The following GPC5 variants were observed in gnomAD, a reference collection of about 807,000 sequenced individuals.
GPC5 encodes the protein glypican 5.
Under a neutral mutation model 53.9 loss-of-function variants are expected in GPC5, and 47 were observed. The ratio of observed to expected loss-of-function variants is 0.87; its 90% CI spans 0.69 to 1.11. The LOEUF is 1.11. Ranked by LOEUF, GPC5 falls within the 50% of genes most tolerant of loss-of-function variation. GPC5 has a pLI of 0.00. For missense variants in GPC5, 748 were observed against 713.1 expected, an observed-to-expected ratio of 1.05 and a Z score of -0.56; for synonymous variants, 286 against 263.3, an observed-to-expected ratio of 1.09 and a Z score of -0.84.
At chr13:91,575,317 GA>G (rs764140105) in intron 2 of GPC5, among the ~76,000 whole-genome samples, 1 of 152,074 alleles carries the variant, frequency 6.6e-6, no homozygotes, top group Non-Finnish European at 1.5e-5. Context: ...TGCATTTATT[GA>G]AATAAATGAA....
rs1423587563 is a variant in GPC5 at position 91,693,773 on chromosome 13, T to A, written c.912T>A (p.Asp304Glu). 1.2e-6 allele frequency: 2 copies of A among 1,614,180 alleles called. No homozygotes were observed. The highest frequency in any genetic ancestry group is 8.5e-7 in the Non-Finnish European group (1 of 1,180,018). The change falls in exon 3 of 8, where the codon GAT (aspartate) becomes GAA (glutamate). Residue 304 changes from aspartate (D) to glutamate (E), a missense_variant. Asp to Glu is a conservative substitution (Grantham distance 45). Coordinates refer to ENST00000377067, the MANE Select transcript of GPC5 (RefSeq NM_004466.6). ...TCCGGTCGTTGGAAGAACTCTCGGA[T>A]GCAATGCATGGAACATACGACATTG... Reference protein sequence around the residue: ...AYIRSLEELSDAMHGTYDIGH... With the variant: ...AYIRSLEELSEAMHGTYDIGH...
At chr13:92,024,740 G>C (rs1322518276) in intron 6 of GPC5, among the ~76,000 whole-genome samples, 1 of 152,024 alleles carries the variant, frequency 6.6e-6, no homozygotes, top group Non-Finnish European at 1.5e-5. Context: ...ATACTTATTG[G>C]TGCTTTTTAT....
At chr13:92,852,986 A>AC (rs1398559911) in intron 7 of GPC5, among the ~76,000 whole-genome samples, 3 of 152,162 alleles carry the variant, frequency 2.0e-5, no homozygotes, top group African/African-American at 7.2e-5. Context: ...CTTGTCTAAC[A>AC]ATTGCTGAGC....
At chr13:91,652,799 A>G (rs1479317820) in intron 2 of GPC5, among the ~76,000 whole-genome samples, 3 of 152,220 alleles carry the variant, frequency 2.0e-5, no homozygotes, top group African/African-American at 7.2e-5. Flanking sequence ...GGGAATTTCT[A>G]CAGAGTATTG....
At chr13:91,536,862 A>T (rs139155580) in intron 2 of GPC5, among the ~76,000 whole-genome samples, 263 of 152,356 alleles carry the variant, frequency 1.7e-3, no homozygotes, top group African/African-American at 5.8e-3. Flanking sequence ...CTCTCTGATC[A>T]CAACATACTG....
intron 6 of GPC5, among the ~76,000 whole-genome samples, chr13:91,996,974 T>C (rs2040509394): frequency 6.6e-6 from 1 of 152,042 alleles, no homozygotes; most frequent in South Asian, 2.1e-4. Flanking sequence ...TAAAACATTA[T>C]TGTAAGTATC....
intron 4 of GPC5, among the ~76,000 whole-genome samples, chr13:91,741,917 T>C (rs914541357): frequency 1.3e-5 from 2 of 152,142 alleles, no homozygotes; most frequent in Non-Finnish European, 2.9e-5. Context: ...TCCTCGTAAG[T>C]GAAAGTTAGT....
chr13:92,621,685 T>C (rs1206115166), intron 7 of GPC5, among the ~76,000 whole-genome samples: 2 of 151,866 alleles, frequency 1.3e-5, no homozygotes, highest in Non-Finnish European at 2.9e-5. Flanking sequence ...TTGGGTGTGG[T>C]GGCGGGCGCT....
At chr13:92,134,178 G>A (rs2041766191) in intron 6 of GPC5, among the ~76,000 whole-genome samples, 1 of 152,094 alleles carries the variant, frequency 6.6e-6, no homozygotes, top group African/African-American at 2.4e-5. Context: ...GTTTGCCTCA[G>A]GAACAGTAGC....
At chr13:92,277,658 G>A (rs528734429) in intron 7 of GPC5, among the ~76,000 whole-genome samples, 51 of 151,806 alleles carry the variant, frequency 3.4e-4, no homozygotes, top group African/African-American at 1.2e-3. Context: ...GTTGCTGTTG[G>A]CCCCTGTAAA....
intron 6 of GPC5, among the ~76,000 whole-genome samples, chr13:92,139,680 A>AAAAGTG (rs1555313596): frequency 2.1e-5 from 3 of 140,808 alleles, no homozygotes; most frequent in East Asian, 4.3e-4. Context: ...AAAAAAAAAA[A>AAAAGTG]AAAAAGTGTT....
intron 2 of GPC5, among the ~76,000 whole-genome samples, chr13:91,644,416 T>A (rs749271954): frequency 1.3e-5 from 2 of 152,212 alleles, no homozygotes; most frequent in Non-Finnish European, 2.9e-5. Flanking sequence ...AAGAAACTAG[T>A]ATATTTTGTC....
intron 2 of GPC5, among the ~76,000 whole-genome samples, chr13:91,549,625 AG>A (rs762482171): frequency 1.3e-4 from 20 of 152,218 alleles, no homozygotes; most frequent in Non-Finnish European, 2.2e-4. Flanking sequence ...TCAACAAAGA[AG>A]GCATACAGAT....
intron 7 of GPC5, among the ~76,000 whole-genome samples, chr13:92,515,121 T>C (rs769066032): frequency 1.1e-4 from 16 of 152,146 alleles, no homozygotes; most frequent in African/African-American, 1.9e-4. Flanking sequence ...AAAAACTAGA[T>C]GATATATTTG....
intron 7 of GPC5, among the ~76,000 whole-genome samples, chr13:92,605,567 T>TATTC (rs2139087102): frequency 6.6e-6 from 1 of 151,342 alleles, no homozygotes; most frequent in Non-Finnish European, 1.5e-5. Flanking sequence ...TGAGCAGCCG[T>TATTC]ATTCACTAGT....
At chr13:91,952,740 A>T (rs1052558349) in intron 6 of GPC5, among the ~76,000 whole-genome samples, 101 of 152,146 alleles carry the variant, frequency 6.6e-4, no homozygotes, top group African/African-American at 2.4e-3. Context: ...CAAGAAAAAA[A>T]ATACGTAGTT....
chr13:92,220,289 A>T (rs188797815), intron 7 of GPC5, among the ~76,000 whole-genome samples: 10 of 152,294 alleles, frequency 6.6e-5, no homozygotes, highest in African/African-American at 1.9e-4. Flanking sequence ...TAAGGGGTTT[A>T]CATTTTATTG....
At chr13:92,233,286 A>G (rs2042544573) in intron 7 of GPC5, among the ~76,000 whole-genome samples, 1 of 152,244 alleles carries the variant, frequency 6.6e-6, no homozygotes, top group Admixed American at 6.5e-5. Context: ...CAAAGTTTGT[A>G]GCAATTAAAA....
At chr13:92,276,894 G>A (rs2042879534) in intron 7 of GPC5, among the ~76,000 whole-genome samples, 1 of 151,942 alleles carries the variant, frequency 6.6e-6, no homozygotes, top group Admixed American at 6.6e-5. Context: ...TTCAAATGAT[G>A]ATGCAAGTAG....
Sources: allele counts gnomAD v4.1 joint callset (sites outside exome capture counted in the v4.1 genomes callset), GRCh38; gene constraint gnomAD v4.1.1; transcripts MANE v1.5; gene names NCBI Gene and HGNC (gene_info 2026-07-23, HGNC 2026-07-21).